The following ARNT2 variants were observed in gnomAD, a reference collection of about 807,000 sequenced individuals.
ARNT2 encodes the protein ARNT protein 2.
In ARNT2, 36 loss-of-function variants were observed where a neutral mutation model predicts 91.7. The ratio of observed to expected loss-of-function variants is 0.39; its 90% CI spans 0.30 to 0.52. The LOEUF (loss-of-function observed/expected upper bound fraction) is 0.52, where lower values mean the gene tolerates loss of function less well. ARNT2 is among the 20% of genes least tolerant of loss of function. The pLI, the probability that ARNT2 is intolerant of heterozygous loss-of-function variation, is 0.72. For synonymous variants in ARNT2, 365 were observed against 347.1 expected, an observed-to-expected ratio of 1.05 and a Z score of -0.57; for missense variants, 775 against 939.3, an observed-to-expected ratio of 0.83 and a Z score of 2.29.
rs372260995 is a variant in ARNT2 at position 80,524,744 on chromosome 15, G to A, written c.877+10339G>A. 6.9e-4 allele frequency among the ~76,000 whole-genome samples: 105 copies of A among 151,990 alleles called. 1 individual carries two copies. The East Asian group carries it at 9.7e-3, about 14-fold the overall frequency. On this transcript the variant is annotated intron_variant, in intron 8 of 18. Transcript: ENST00000303329. Reference sequence around the variant, plus strand: ...ACAAAAATTAGCTGGGCGTGGTGGCGGGCGCCTGTAGTCCCAGCTACTCGG... The same window carrying A: ...ACAAAAATTAGCTGGGCGTGGTGGCAGGCGCCTGTAGTCCCAGCTACTCGG...
chr15:80,576,940 T>C lies in ARNT2; in HGVS notation c.1588T>C (p.Ser530Pro), dbSNP rs1156743249. 1 of 1,614,040 alleles carries C rather than the reference T, an allele frequency of 6.2e-7. No homozygotes were observed. The stretch of plus-strand genomic sequence containing the variant: ...CTACTCCCAAGGAAGCCCATTTCCC[T>C]CTGGACACTCCGGGAAGGCCTTCAG... ...QIYSQGSPFP[S>P]GHSGKAFSSS... The change falls in exon 15 of 19, where the codon TCT becomes CCT. Residue 530 changes from serine to proline, a missense_variant. Coordinates refer to ENST00000303329, the MANE Select transcript of ARNT2 (RefSeq NM_014862.4).
Position 80,458,944 on chromosome 15 carries a change from C to T in ARNT2, c.194+968C>T, listed in dbSNP as rs995513808. Among the ~76,000 whole-genome samples the T allele has an allele frequency of 2.0e-5, 3 of 152,122 alleles. No individual in the cohort carries two copies. The East Asian group carries it at 5.8e-4, about 29-fold the overall frequency. ...ATGGCCTCAGTTGTTTTTGGAGGAA[C>T]CACATGCATATTGAGTTCTGGGCCC... On this transcript the variant is annotated intron_variant, in intron 3 of 18. Transcript: ENST00000303329.
intron 8 of ARNT2, among the ~76,000 whole-genome samples, chr15:80,538,650 A>G (rs1389082631): frequency 6.6e-6 from 1 of 152,156 alleles, no homozygotes; most frequent in East Asian, 1.9e-4. Context: ...GGAAAACTAA[A>G]AATTTTACTT....
At chr15:80,497,363 G>A (rs1897136663) in intron 5 of ARNT2, among the ~76,000 whole-genome samples, 1 of 152,244 alleles carries the variant, frequency 6.6e-6, no homozygotes, top group African/African-American at 2.4e-5. Context: ...CTTTGAAGTT[G>A]GAGGGGCCAT....
At chr15:80,410,752 ATTTTTATCTATC>A (rs1895668573) in intron 1 of ARNT2, among the ~76,000 whole-genome samples, 1 of 133,688 alleles carries the variant, frequency 7.5e-6, no homozygotes, top group African/African-American at 2.9e-5. Flanking sequence ...CAATCCATTC[ATTTTTATCTATC>A]TATCTATCTA....
chr15:80,460,382 C>T (rs972952082), intron 3 of ARNT2, among the ~76,000 whole-genome samples: 2 of 152,218 alleles, frequency 1.3e-5, no homozygotes, highest in African/African-American at 4.8e-5. Flanking sequence ...CCCATCACAG[C>T]AGGCCTTAGA....
intron 1 of ARNT2, among the ~76,000 whole-genome samples, chr15:80,440,750 T>A (rs536713898): frequency 1.3e-5 from 2 of 152,366 alleles, no homozygotes; most frequent in Non-Finnish European, 2.9e-5. Flanking sequence ...AGACAGGACC[T>A]GGCCTCTTCT....
intron 5 of ARNT2, among the ~76,000 whole-genome samples, chr15:80,479,736 T>C (rs1896858013): frequency 6.6e-6 from 1 of 152,082 alleles, no homozygotes; most frequent in African/African-American, 2.4e-5. Context: ...AGAAACAGGG[T>C]GCCTTCCTCC....
chr15:80,458,773 C>G (rs781602066), intron 3 of ARNT2, among the ~76,000 whole-genome samples: 3 of 152,082 alleles, frequency 2.0e-5, no homozygotes, highest in Admixed American at 6.5e-5. Flanking sequence ...TCTGTACCCA[C>G]TTACCTAAGG....
At chr15:80,593,560 A>C (rs1253659929) in intron 18 of ARNT2, 40 bp from the exon 19 acceptor site, 4 of 1,496,682 alleles carry the variant, frequency 2.7e-6, no homozygotes, top group Admixed American at 1.9e-5. Context: ...CGGACAGAGG[A>C]GCTGACTCCC....
intron 9 of ARNT2, 146 bp from the exon 10 acceptor site, chr15:80,552,494 T>C (rs1898098518): frequency 1.0e-6 from 1 of 995,662 alleles, no homozygotes; most frequent in Admixed American, 2.8e-5. Flanking sequence ...CAGGGATAGA[T>C]ATTTGAACAC....
chr15:80,423,154 C>G (rs1374118493), intron 1 of ARNT2, among the ~76,000 whole-genome samples: 7 of 152,180 alleles, frequency 4.6e-5, no homozygotes, highest in African/African-American at 1.7e-4. Context: ...ATAATGATAT[C>G]CACCTCATAA....
Position 80,433,233 on chromosome 15 carries a change from A to ATTTATTTTATTTTATTTTATTTTAT in ARNT2, c.32-17603_32-17579dup, listed in dbSNP as rs1321371343. Among the ~76,000 whole-genome samples, 502 of 95,504 alleles carry ATTTATTTTATTTTATTTTATTTTAT rather than the reference A, an allele frequency of 5.3e-3. 9 individuals carry two copies. The highest frequency in any genetic ancestry group is 0.016 in the African/African-American group (455 of 28,380). The allele number at this position is 95,504 out of a possible 152,430, so 62.7% of individuals were successfully genotyped here. A position where few individuals can be genotyped will look rare whatever the true frequency, so the allele number is the denominator to read the frequency against. Reference sequence around the variant, plus strand: ...CTTTTTAGAAAAGGCACTATATTTTATTTATTTTATTTTATTTTATTTTAT... The same window carrying ATTTATTTTATTTTATTTTATTTTAT: ...CTTTTTAGAAAAGGCACTATATTTTATTTATTTTATTTTATTTTATTTTATTTTATTTTATTTTATTTTATTTTAT... On this transcript the variant is annotated intron_variant, in intron 1 of 18. Coordinates refer to ENST00000303329, the MANE Select transcript of ARNT2 (RefSeq NM_014862.4).
chr15:80,481,246 A>C (rs967718591), intron 5 of ARNT2, among the ~76,000 whole-genome samples: 2 of 152,198 alleles, frequency 1.3e-5, no homozygotes, highest in African/African-American at 4.8e-5. Flanking sequence ...GCTCACGAGA[A>C]CAGCTCACCG....
intron 5 of ARNT2, among the ~76,000 whole-genome samples, chr15:80,493,112 T>C (rs1176784690): frequency 6.6e-6 from 1 of 152,174 alleles, no homozygotes; most frequent in Admixed American, 6.5e-5. Flanking sequence ...GGCAAAAGAC[T>C]GAGAGAGCAA....
chr15:80,416,143 A>T (rs895897683), intron 1 of ARNT2, among the ~76,000 whole-genome samples: 3 of 152,270 alleles, frequency 2.0e-5, no homozygotes, highest in African/African-American at 7.2e-5. Flanking sequence ...AGATGTGTCC[A>T]TCACAAGGTT....
intron 18 of ARNT2, among the ~76,000 whole-genome samples, chr15:80,592,583 C>G (rs1893299826): frequency 1.3e-5 from 2 of 152,230 alleles, no homozygotes; most frequent in Non-Finnish European, 2.9e-5. Context: ...ATCCCAAGCC[C>G]CTCTCCTGCC....
intron 17 of ARNT2, among the ~76,000 whole-genome samples, chr15:80,586,563 T>C (rs1893175493): frequency 1.3e-5 from 2 of 152,078 alleles, no homozygotes; most frequent in African/African-American, 4.8e-5. Context: ...GAGAGGAGAA[T>C]TGAAAGAATT....
At chr15:80,568,882 C>G (rs1898532710) in intron 12 of ARNT2, among the ~76,000 whole-genome samples, 1 of 152,236 alleles carries the variant, frequency 6.6e-6, no homozygotes, top group African/African-American at 2.4e-5. Context: ...TTCCATCAGG[C>G]CCCTGCTGAG....
Sources: allele counts gnomAD v4.1 joint callset (sites outside exome capture counted in the v4.1 genomes callset), GRCh38; gene constraint gnomAD v4.1.1; transcripts MANE v1.5; gene names NCBI Gene and HGNC (gene_info 2026-07-23, HGNC 2026-07-21).